The following SHROOM3 variants were observed in gnomAD, a reference collection of about 807,000 sequenced individuals.
SHROOM3 encodes shroom family member 3, also known as protein Shroom3.
In SHROOM3, 47 loss-of-function variants were observed where a neutral mutation model predicts 138.6. The ratio of observed to expected loss-of-function variants is 0.34; its 90% CI spans 0.27 to 0.43. SHROOM3 has a LOEUF of 0.43. Among genes scored for constraint, SHROOM3 ranks in the 20% least tolerant of loss-of-function variants. The pLI, the probability that SHROOM3 is intolerant of heterozygous loss-of-function variation, is 1.00. For missense variants in SHROOM3, 2,491 were observed against 2,596.5 expected (o/e 0.96, Z 0.88); for synonymous variants, 1,062 against 1,063.3 (o/e 1.00, Z 0.02).
intron 1 of SHROOM3, among the ~76,000 whole-genome samples, chr4:76,479,065 G>A (rs761630838): frequency 3.9e-5 from 6 of 151,974 alleles, no homozygotes; most frequent in East Asian, 1.9e-4. Context: ...AAACCAGAAC[G>A]CCTCTTCTTC....
Position 76,756,546 on chromosome 4 carries a change from A to G in SHROOM3, c.4807A>G (p.Thr1603Ala). The change falls in exon 8 of 11, where the codon ACT (threonine) becomes GCT (alanine). Residue 1603 changes from threonine (T) to alanine (A), a missense_variant. Transcript: ENST00000296043. ...GSQTLASRLQ[T>A]SIKGSEAEST... ...TCAGACACTGGCTTCCAGACTCCAA[A>G]CTTCTATCAAGGGTTCAGAGGCTGA... The G allele has an allele frequency of 1.2e-6, 2 of 1,613,192 alleles. No homozygotes were observed. Among genetic ancestry groups the G allele is most frequent in the Non-Finnish European group, 1.7e-6 (2 of 1,179,918 alleles).
intron 2 of SHROOM3, among the ~76,000 whole-genome samples, chr4:76,614,000 G>A (rs1244805127): frequency 6.6e-6 from 1 of 151,928 alleles, no homozygotes; most frequent in African/African-American, 2.4e-5. Context: ...TGTTCCAGGC[G>A]GAAAATCTAA....
At chr4:76,529,437 C>A (rs1159612001) in intron 1 of SHROOM3, among the ~76,000 whole-genome samples, 1 of 152,082 alleles carries the variant, frequency 6.6e-6, no homozygotes, top group Non-Finnish European at 1.5e-5. Context: ...TTGCCTCAGC[C>A]TCCCGAATAG....
At position 76,754,552 on chromosome 4, in the gene SHROOM3, C is replaced by T. The variant is rs765696279; in HGVS notation, c.4069C>T (p.Pro1357Ser). Residue 1357 changes from proline (P) to serine (S), a missense_variant, in exon 7 of 11, where the codon CCT (proline) becomes TCT (serine). Coordinates refer to ENST00000296043, the MANE Select transcript of SHROOM3 (RefSeq NM_020859.4). ...RAAPLTPIGT[P>S]LPSAIPSGYC... ...TGCACCCCTGACCCCAATTGGCACC[C>T]CTCTGCCTTCAGCCATTCCCTCTGG... 9 of 1,613,712 alleles carry T rather than the reference C, an allele frequency of 5.6e-6. No individual in the cohort carries two copies. Among genetic ancestry groups the T allele is most frequent in the Middle Eastern group, 1.6e-4 (1 of 6,080 alleles).
chr4:76,762,601 C>G (rs539449396), intron 9 of SHROOM3, among the ~76,000 whole-genome samples: 1 of 152,322 alleles, frequency 6.6e-6, no homozygotes, highest in South Asian at 2.1e-4. Flanking sequence ...CTTCTTCCCT[C>G]AATCCTTTCT....
chr4:76,445,338 A>T (rs931831745), intron 1 of SHROOM3, among the ~76,000 whole-genome samples: 1 of 152,162 alleles, frequency 6.6e-6, no homozygotes, highest in Non-Finnish European at 1.5e-5. Flanking sequence ...CTGGCAATAA[A>T]CATGTTTGTA....
At chr4:76,461,228 C>T (rs779894434) in intron 1 of SHROOM3, among the ~76,000 whole-genome samples, 10 of 152,078 alleles carry the variant, frequency 6.6e-5, no homozygotes, top group Non-Finnish European at 1.2e-4. Flanking sequence ...CAAAATTAGC[C>T]AAGGGACCAG....
rs145300485 is a variant in SHROOM3 at position 76,492,848 on chromosome 4, G to A, written c.168+56628G>A. On this transcript the variant is annotated intron_variant, in intron 1 of 10. Transcript: ENST00000296043. ...AAACACTCCTGCAGACAGAGAGCAG[G>A]CAAAGAAGCCTCTTGCTAGAGGAGT... is the stretch of plus-strand genomic sequence containing the variant. 2.9e-3 allele frequency among the ~76,000 whole-genome samples: 438 copies of A among 152,256 alleles called. 4 individuals are homozygous for A. The Middle Eastern group carries it at 0.048, about 17-fold the overall frequency.
At chr4:76,477,245 G>A (rs1241916819) in intron 1 of SHROOM3, among the ~76,000 whole-genome samples, 2 of 152,056 alleles carry the variant, frequency 1.3e-5, no homozygotes, top group Admixed American at 6.6e-5. Context: ...CTAGGATTAT[G>A]GGCGTGAGCC....
intron 1 of SHROOM3, among the ~76,000 whole-genome samples, chr4:76,504,650 G>C (rs1732171807): frequency 6.6e-6 from 1 of 152,116 alleles, no homozygotes; most frequent in African/African-American, 2.4e-5. Flanking sequence ...ATGTGTAAAA[G>C]CAAATTACAC....
chr4:76,526,928 C>T (rs1320886374), intron 1 of SHROOM3, among the ~76,000 whole-genome samples: 1 of 152,200 alleles, frequency 6.6e-6, no homozygotes, highest in Admixed American at 6.5e-5. Context: ...ATGGATTGTT[C>T]TCACGGAGTC....
chr4:76,651,008 G>A (rs1016428026), intron 2 of SHROOM3, among the ~76,000 whole-genome samples: 1 of 152,146 alleles, frequency 6.6e-6, no homozygotes, highest in Admixed American at 6.5e-5. Context: ...AGATCACTAT[G>A]TTAAGAAATA....
intron 1 of SHROOM3, among the ~76,000 whole-genome samples, chr4:76,535,142 T>A (rs918197791): frequency 1.3e-5 from 2 of 152,196 alleles, no homozygotes; most frequent in African/African-American, 4.8e-5. Flanking sequence ...ATCTTTTTTG[T>A]AGGCCTTTCC....
At chr4:76,657,323 C>T (rs1416633329) in intron 2 of SHROOM3, among the ~76,000 whole-genome samples, 3 of 152,116 alleles carry the variant, frequency 2.0e-5, no homozygotes, top group Non-Finnish European at 4.4e-5. Context: ...TAAGTATCAA[C>T]GTATTTTCTA....
At chr4:76,617,187 C>A (rs1734900885) in intron 2 of SHROOM3, among the ~76,000 whole-genome samples, 1 of 152,226 alleles carries the variant, frequency 6.6e-6, no homozygotes, top group Non-Finnish European at 1.5e-5. Context: ...ATTACTTAAT[C>A]TTTCTGTGCC....
chr4:76,493,774 T>A (rs996449124), intron 1 of SHROOM3, among the ~76,000 whole-genome samples: 3 of 151,782 alleles, frequency 2.0e-5, no homozygotes, highest in Admixed American at 6.6e-5. Flanking sequence ...AGGTCAGGAG[T>A]TCGAGACCAG....
At position 76,738,860 on chromosome 4, in the gene SHROOM3, T is replaced by A. The variant is rs1327187580; in HGVS notation, c.687T>A (p.Ser229Arg). 1 of 1,614,180 alleles carries A rather than the reference T, an allele frequency of 6.2e-7. No individual in the cohort carries two copies. ...SQGSMESLEP[S>R]GAYPPCHLSP... is the part of the protein sequence containing the mutation. Reference sequence around the variant, plus strand: ...GGAGCATGGAGAGCCTGGAGCCCAGTGGGGCATACCCACCCTGTCATCTTT... The same window carrying A: ...GGAGCATGGAGAGCCTGGAGCCCAGAGGGGCATACCCACCCTGTCATCTTT... Residue 229 changes from serine (S) to arginine (R), a missense_variant, in exon 5 of 11, where the codon AGT becomes AGA. Ser to Arg is a moderately radical substitution (Grantham distance 110, BLOSUM62 -1). Around this residue, in one of 4 missense-constraint regions of SHROOM3, gnomAD observed 284 missense variants for 322.8 expected, o/e 0.88. Transcript: ENST00000296043.
chr4:76,633,485 T>C (rs1288881456), intron 2 of SHROOM3, among the ~76,000 whole-genome samples: 2 of 150,842 alleles, frequency 1.3e-5, no homozygotes, highest in Non-Finnish European at 3.0e-5. Flanking sequence ...TGAAAGCCCG[T>C]CTCTATTAAA....
intron 2 of SHROOM3, among the ~76,000 whole-genome samples, chr4:76,685,721 G>A (rs1161721754): frequency 6.6e-6 from 1 of 152,198 alleles, no homozygotes; most frequent in Non-Finnish European, 1.5e-5. Context: ...GCTCACGCCT[G>A]TAATCCCAGC....
Sources: allele counts gnomAD v4.1 joint callset (sites outside exome capture counted in the v4.1 genomes callset), GRCh38; gene constraint gnomAD v4.1.1; regional missense constraint gnomAD v4.1.1; transcripts MANE v1.5; gene names NCBI Gene and HGNC (gene_info 2026-07-23, HGNC 2026-07-21).